The following NKAIN2 variants were observed in gnomAD, a reference collection of about 807,000 sequenced individuals.
NKAIN2 encodes sodium/potassium-transporting ATPase subunit beta-1-interacting protein 2.
A neutral mutation model predicts 32.6 loss-of-function variants in NKAIN2; 14 were observed. The ratio of observed to expected loss-of-function variants is 0.43; its 90% CI spans 0.28 to 0.67. The LOEUF (loss-of-function observed/expected upper bound fraction) is 0.67. NKAIN2 is among the 30% of genes least tolerant of loss of function. The probability of loss-of-function intolerance (pLI) is 0.17; values close to 1 mark genes in which losing one functional copy is unlikely to be tolerated. For synonymous variants in NKAIN2, 80 were observed against 87.2 expected, an observed-to-expected ratio of 0.92 and a Z score of 0.46; for missense variants, 198 against 258.3, an observed-to-expected ratio of 0.77 and a Z score of 1.60.
intron 1 of NKAIN2, among the ~76,000 whole-genome samples, chr6:124,023,067 A>T (rs1780944661): frequency 6.8e-6 from 1 of 146,604 alleles, no homozygotes; most frequent in African/African-American, 2.7e-5. Context: ...TGTATGTATA[A>T]GTATATATAT....
intron 1 of NKAIN2, among the ~76,000 whole-genome samples, chr6:123,860,315 A>G (rs1439538812): frequency 6.6e-6 from 1 of 152,210 alleles, no homozygotes; most frequent in Non-Finnish European, 1.5e-5. Flanking sequence ...TTTAAAAAGT[A>G]TATTATCTCC....
At chr6:124,750,025 C>T (rs1245768855) in intron 4 of NKAIN2, among the ~76,000 whole-genome samples, 2 of 151,604 alleles carry the variant, frequency 1.3e-5, no homozygotes, top group African/African-American at 4.8e-5. Context: ...AGCTTGGAAA[C>T]CATTTTGATT....
chr6:124,318,638 G>T (rs1307817080), intron 2 of NKAIN2, among the ~76,000 whole-genome samples: 2 of 151,872 alleles, frequency 1.3e-5, no homozygotes, highest in Non-Finnish European at 2.9e-5. Context: ...AATCTCCTCA[G>T]TTTAACTGAG....
intron 5 of NKAIN2, 122 bp downstream of exon 5, chr6:124,791,521 C>A: frequency 3.6e-6 from 2 of 551,064 alleles, no homozygotes; most frequent in Non-Finnish European, 6.5e-6. Flanking sequence ...GGAAAATAAG[C>A]CTTTTGTGCC....
chr6:124,228,030 C>T (rs778798524), intron 1 of NKAIN2, among the ~76,000 whole-genome samples: 2 of 152,128 alleles, frequency 1.3e-5, no homozygotes, highest in Admixed American at 6.6e-5. Context: ...TATATTCTCA[C>T]GTGGCAAAGC....
chr6:124,821,088 A>G (rs1363694104), intron 6 of NKAIN2, among the ~76,000 whole-genome samples: 1 of 152,160 alleles, frequency 6.6e-6, no homozygotes, highest in East Asian at 1.9e-4. Context: ...TGAGGTCAGG[A>G]GTTCGAGAGC....
intron 2 of NKAIN2, among the ~76,000 whole-genome samples, chr6:124,343,532 G>A (rs1798248120): frequency 6.6e-6 from 1 of 152,044 alleles, no homozygotes; most frequent in Admixed American, 6.6e-5. Flanking sequence ...TCTAACTGGT[G>A]TGAGATGGTA....
At chr6:124,481,359 C>T (rs925079525) in intron 3 of NKAIN2, among the ~76,000 whole-genome samples, 6 of 151,888 alleles carry the variant, frequency 4.0e-5, no homozygotes, top group African/African-American at 1.5e-4. Context: ...GAATGGACTA[C>T]AAAATCTCTC....
chr6:124,490,486 C>T, intron 3 of NKAIN2: 1 of 341,994 alleles, frequency 2.9e-6, no homozygotes, highest in Non-Finnish European at 5.6e-6. Context: ...TAGCTAATGG[C>T]TTAAAATGTG....
intron 1 of NKAIN2, among the ~76,000 whole-genome samples, chr6:124,273,101 CTT>C (rs922558390): frequency 2.6e-5 from 4 of 152,088 alleles, no homozygotes; most frequent in African/African-American, 9.7e-5. Flanking sequence ...TGAGTTAAGA[CTT>C]TGGGGCACTG....
At chr6:124,449,789 C>A (rs559313736) in intron 3 of NKAIN2, among the ~76,000 whole-genome samples, 1 of 151,996 alleles carries the variant, frequency 6.6e-6, no homozygotes, top group East Asian at 1.9e-4. Context: ...TTGGCATAGT[C>A]GTGATGGTTT....
intron 1 of NKAIN2, among the ~76,000 whole-genome samples, chr6:123,840,428 C>T (rs1774822165): frequency 6.6e-6 from 1 of 151,954 alleles, no homozygotes; most frequent in African/African-American, 2.4e-5. Flanking sequence ...TCAGCAAAAA[C>T]TCACATATTT....
At chr6:124,476,059 A>AGT (rs1402961327) in intron 3 of NKAIN2, among the ~76,000 whole-genome samples, 2 of 86,062 alleles carry the variant, frequency 2.3e-5, no homozygotes, top group African/African-American at 1.0e-4. Context: ...AGAGAGAGAG[A>AGT]GAGAGAGTGT....
chr6:124,721,996 C>T (rs1342295316), intron 4 of NKAIN2, among the ~76,000 whole-genome samples: 2 of 152,184 alleles, frequency 1.3e-5, no homozygotes, highest in Non-Finnish European at 2.9e-5. Flanking sequence ...TCTCCCCAGC[C>T]CCTGGCAGCC....
chr6:124,754,889 G>A (rs1451665615), intron 4 of NKAIN2, among the ~76,000 whole-genome samples: 4 of 152,118 alleles, frequency 2.6e-5, no homozygotes, highest in Non-Finnish European at 5.9e-5. Context: ...CAACCTAAAT[G>A]CCCATCAATG....
At chr6:124,528,132 TG>T (rs1329142076) in intron 3 of NKAIN2, among the ~76,000 whole-genome samples, 8 of 152,282 alleles carry the variant, frequency 5.3e-5, no homozygotes, top group Non-Finnish European at 1.0e-4. Context: ...ACTGGAGTAG[TG>T]GGATCCATTT....
chr6:123,937,754 A>G (rs759021709), intron 1 of NKAIN2, among the ~76,000 whole-genome samples: 4 of 151,998 alleles, frequency 2.6e-5, no homozygotes, highest in Admixed American at 6.6e-5. Context: ...ATAGAGCCCA[A>G]TTTGTTTGGG....
chr6:124,124,318 T>C (rs1221129444), intron 1 of NKAIN2, among the ~76,000 whole-genome samples: 1 of 151,894 alleles, frequency 6.6e-6, no homozygotes, highest in Admixed American at 6.6e-5. Flanking sequence ...AAATCACTTA[T>C]TTTTAATGTC....
intron 4 of NKAIN2, among the ~76,000 whole-genome samples, chr6:124,748,037 A>G (rs1777524274): frequency 6.6e-6 from 1 of 151,978 alleles, no homozygotes. Context: ...AAGAAGATGA[A>G]AAAACTAAGC....
Sources: allele counts gnomAD v4.1 joint callset (sites outside exome capture counted in the v4.1 genomes callset), GRCh38; gene constraint gnomAD v4.1.1; transcripts MANE v1.5; gene names NCBI Gene and HGNC (gene_info 2026-07-23, HGNC 2026-07-21).